The following CACNA1E variants were observed in gnomAD, a reference collection of about 807,000 sequenced individuals.
CACNA1E encodes voltage-dependent R-type calcium channel subunit alpha-1E.
In CACNA1E, 40 loss-of-function variants were observed where a neutral mutation model predicts 259.2. The observed-to-expected ratio is 0.15, with a 90% CI of 0.12 to 0.20. The LOEUF is 0.20. Among genes scored for constraint, CACNA1E ranks in the 10% least tolerant of loss-of-function variants. CACNA1E has a pLI of 1.00. For missense variants in CACNA1E, 1,874 were observed against 3,040.1 expected (o/e 0.62, Z 9.02); for synonymous variants, 1,104 against 1,138.5 (o/e 0.97, Z 0.61).
chr1:181,785,701 CT>C lies in CACNA1E; in HGVS notation c.5680-7del, dbSNP rs764006632. 2 of 1,588,956 alleles carry C rather than the reference CT, an allele frequency of 1.3e-6. No homozygotes were observed. The highest frequency in any genetic ancestry group is 2.2e-5 in the East Asian group (1 of 44,768). On this transcript the variant is annotated splice_polypyrimidine_tract_variant and intron_variant, in intron 42 of 47. Transcript: ENST00000367573. ...TGGAATTCTTTCCTTCTTCTTCCCT[CT>C]TTTTACCCAGAAAAATGCCCCCATG... is the stretch of plus-strand genomic sequence containing the variant.
At chr1:181,708,320 A>T (rs1053219262) in intron 7 of CACNA1E, among the ~76,000 whole-genome samples, 4 of 152,178 alleles carry the variant, frequency 2.6e-5, no homozygotes, top group African/African-American at 9.7e-5. Flanking sequence ...GTAGAAAGAG[A>T]TGAAATTTAG....
intron 46 of CACNA1E, among the ~76,000 whole-genome samples, chr1:181,796,091 GA>G (rs1661783408): frequency 6.6e-6 from 1 of 152,116 alleles, no homozygotes; most frequent in Admixed American, 6.6e-5. Context: ...AGCATAAATA[GA>G]AACAGAATAG....
chr1:181,644,287 G>A (rs1658065256), intron 6 of CACNA1E, among the ~76,000 whole-genome samples: 1 of 152,148 alleles, frequency 6.6e-6, no homozygotes. Context: ...CTAGATTGTG[G>A]CCCCAGATCT....
chr1:181,659,753 C>G (rs1647435974), intron 7 of CACNA1E, among the ~76,000 whole-genome samples: 2 of 152,160 alleles, frequency 1.3e-5, no homozygotes, highest in African/African-American at 4.8e-5. Context: ...TTTGCAATGA[C>G]TCCATGCAGT....
At chr1:181,427,998 A>G (rs601354) in intron 2 of CACNA1E, among the ~76,000 whole-genome samples, 95,507 of 151,790 alleles carry the variant, frequency 0.63, 31,247 homozygotes, top group African/African-American at 0.81. Context: ...TATTCCAGCA[A>G]CCCTATCAAT....
chr1:181,756,852 A>G, intron 29 of CACNA1E, 73 bp from the exon 30 acceptor site: 3 of 1,013,098 alleles, frequency 3.0e-6, no homozygotes, highest in Non-Finnish European at 4.6e-6. Context: ...AAAAAATTAT[A>G]ATAGGTGGCA....
upstream of CACNA1E, among the ~76,000 whole-genome samples, chr1:181,481,335 T>TACACACACACACAC (rs113766656): frequency 1.8e-4 from 26 of 145,508 alleles, no homozygotes; most frequent in African/African-American, 3.1e-4. Flanking sequence ...AGAATTTTCC[T>TACACACACACACAC]ACACACACAC....
intron 34 of CACNA1E, 108 bp downstream of exon 34, chr1:181,763,639 A>G: frequency 1.3e-6 from 1 of 767,082 alleles, no homozygotes; most frequent in Non-Finnish European, 1.9e-6. Context: ...AGCTGAAGCT[A>G]GTAGAACGGG....
At chr1:181,321,729 T>TG (rs1373079377) in intron 1 of CACNA1E, among the ~76,000 whole-genome samples, 1 of 152,048 alleles carries the variant, frequency 6.6e-6, no homozygotes, top group Admixed American at 6.6e-5. Flanking sequence ...ACAGCATGGC[T>TG]GGGGGGAAAG....
intron 25 of CACNA1E, among the ~76,000 whole-genome samples, chr1:181,741,544 G>T (rs995168127): frequency 6.6e-6 from 1 of 152,182 alleles, no homozygotes; most frequent in Admixed American, 6.5e-5. Flanking sequence ...AGACCTAGTT[G>T]TTTTATACAG....
chr1:181,591,965 C>T (rs185392800), intron 6 of CACNA1E, among the ~76,000 whole-genome samples: 17 of 152,356 alleles, frequency 1.1e-4, no homozygotes, highest in African/African-American at 2.2e-4. Context: ...ACCTGCTCCT[C>T]TCAGACTGGT....
At chr1:181,783,528 C>A in intron 39 of CACNA1E, 151 bp from the exon 40 acceptor site, 1 of 549,760 alleles carries the variant, frequency 1.8e-6, no homozygotes, top group Non-Finnish European at 3.3e-6. Flanking sequence ...AAGTGAGAAG[C>A]AGGGAGAGAA....
intron 2 of CACNA1E, among the ~76,000 whole-genome samples, chr1:181,431,318 C>T (rs1659701197): frequency 6.6e-6 from 1 of 152,074 alleles, no homozygotes; most frequent in Non-Finnish European, 1.5e-5. Context: ...ATATACTGAC[C>T]ATGAAACTCA....
chr1:181,621,860 C>A (rs1469185667), intron 6 of CACNA1E, among the ~76,000 whole-genome samples: 1 of 152,122 alleles, frequency 6.6e-6, no homozygotes, highest in African/African-American at 2.4e-5. Context: ...AGTATCTCTA[C>A]AATACATAGG....
At chr1:181,641,285 T>C (rs1657724021) in intron 6 of CACNA1E, among the ~76,000 whole-genome samples, 1 of 151,984 alleles carries the variant, frequency 6.6e-6, no homozygotes, top group African/African-American at 2.4e-5. Flanking sequence ...ATTGGTGGAG[T>C]AAGGGGACAG....
intron 1 of CACNA1E, among the ~76,000 whole-genome samples, chr1:181,393,680 A>T (rs141780314): frequency 6.6e-6 from 1 of 151,878 alleles, no homozygotes; most frequent in Admixed American, 6.6e-5. Flanking sequence ...CTGGTCTCGA[A>T]CTCCTGAGCT....
intron 28 of CACNA1E, among the ~76,000 whole-genome samples, chr1:181,755,711 G>C (rs112287241): frequency 6.6e-6 from 1 of 152,278 alleles, no homozygotes; most frequent in Non-Finnish European, 1.5e-5. Context: ...GAAAGTTTAA[G>C]CAAGTTGCTC....
intron 9 of CACNA1E, 71 bp downstream of exon 9, chr1:181,715,462 C>A: frequency 3.6e-6 from 3 of 826,250 alleles, no homozygotes; most frequent in South Asian, 1.5e-5. Flanking sequence ...CTCTGTTATT[C>A]AAAAGGAGAG....
chr1:181,737,388 A>T, intron 22 of CACNA1E, 137 bp from the exon 23 acceptor site: 1 of 942,392 alleles, frequency 1.1e-6, no homozygotes, highest in Non-Finnish European at 1.6e-6. Flanking sequence ...CTGAGAAATT[A>T]AATTGCTCTC....
Sources: gnomAD v4.1 joint callset for allele counts (sites outside exome capture counted in the v4.1 genomes callset) on GRCh38, gnomAD v4.1.1 for gene constraint, MANE v1.5 for transcripts, NCBI Gene and HGNC (gene_info 2026-07-23, HGNC 2026-07-21) for gene names.